TMCO5A: variants seen among roughly 807,000 people sequenced by gnomAD.
TMCO5A encodes the protein transmembrane and coiled-coil domain-containing protein 5A.
TMCO5A carries 34 observed loss-of-function variants against 42.3 expected under a neutral mutation model. The observed-to-expected ratio is 0.80, with a 90% confidence interval of 0.61 to 1.07. The LOEUF (loss-of-function observed/expected upper bound fraction) is 1.07. TMCO5A is among the 50% of genes least tolerant of loss of function. TMCO5A has a pLI of 0.00. For missense variants in TMCO5A, 357 were observed against 327.9 expected (o/e 1.09, Z -0.69); for synonymous variants, 131 against 115.6 (o/e 1.13, Z -0.86).
chr15:37,980,044 C>G, the TMCO5A span, among the ~76,000 whole-genome samples: 1 of 152,150 alleles, frequency 6.6e-6, no homozygotes, highest in African/African-American at 2.4e-5. Flanking sequence ...CTGAGGGCAG[C>G]GGGAGCTGGG....
chr15:37,987,550 T>C, the TMCO5A span, among the ~76,000 whole-genome samples: 1 of 152,036 alleles, frequency 6.6e-6, no homozygotes, highest in Non-Finnish European at 1.5e-5. Flanking sequence ...TACGATGTTA[T>C]GTAAAGGTCA....
chr15:37,988,653 C>T, the TMCO5A span, among the ~76,000 whole-genome samples: 1 of 151,944 alleles, frequency 6.6e-6, no homozygotes, highest in Non-Finnish European at 1.5e-5. Flanking sequence ...TTACATTGAT[C>T]AATTTTCACA....
the TMCO5A span, among the ~76,000 whole-genome samples, chr15:38,033,837 C>T: frequency 6.6e-6 from 1 of 152,114 alleles, no homozygotes; most frequent in African/African-American, 2.4e-5. Context: ...TGGTCTCAAA[C>T]TCCTGACCTC....
chr15:37,950,441 T>G (rs1184416353), intron 11 of TMCO5A, among the ~76,000 whole-genome samples: 2 of 152,066 alleles, frequency 1.3e-5, no homozygotes, highest in African/African-American at 2.4e-5. Flanking sequence ...TACATAACAA[T>G]ACACATAATG....
downstream of TMCO5A, among the ~76,000 whole-genome samples, chr15:37,951,889 C>A (rs1053975033): frequency 2.6e-5 from 4 of 152,118 alleles, no homozygotes; most frequent in Non-Finnish European, 5.9e-5. Flanking sequence ...CACCAACACC[C>A]CCCCTTTCCC....
chr15:37,936,024 G>T, intron 2 of TMCO5A: 1 of 229,684 alleles, frequency 4.4e-6, no homozygotes, highest in Non-Finnish European at 8.4e-6. Context: ...CCCAGCGCAA[G>T]GGGTTATTTA....
chr15:37,963,377 T>C (rs1008775329), intron 11 of TMCO5A, among the ~76,000 whole-genome samples: 1 of 152,088 alleles, frequency 6.6e-6, no homozygotes, highest in Admixed American at 6.6e-5. Flanking sequence ...TTCCTTTTGG[T>C]GTTGATTTCC....
At chr15:37,987,054 A>C in the TMCO5A span, among the ~76,000 whole-genome samples, 1 of 152,120 alleles carries the variant, frequency 6.6e-6, no homozygotes, top group East Asian at 1.9e-4. Context: ...ATATCTCCAC[A>C]CCTTCATCAA....
chr15:37,942,538 T>A (rs1180152466), intron 9 of TMCO5A: 1 of 282,564 alleles, frequency 3.5e-6, no homozygotes, highest in East Asian at 6.1e-5. Flanking sequence ...AGTAAAAACA[T>A]GTACTTTAGA....
intron 11 of TMCO5A, among the ~76,000 whole-genome samples, chr15:37,960,002 AC>A (rs778069224): frequency 2.6e-5 from 4 of 152,032 alleles, no homozygotes; most frequent in Non-Finnish European, 5.9e-5. Flanking sequence ...AAATCAACAT[AC>A]AAAAATCAGT....
rs756447200 is a variant in TMCO5A, at chr15:37,935,023, C to T, written c.-102-234C>T. On this transcript the variant is annotated intron_variant, in intron 1 of 11. Coordinates refer to ENST00000319669, the MANE Select transcript of TMCO5A (RefSeq NM_152453.4). ...TCTCTGACTATATCTATTAATAGGA[C>T]GTATATTCCAGCATTATCTCTGTAT... is the stretch of plus-strand genomic sequence containing the variant. Among the ~76,000 whole-genome samples, 20 of 152,176 alleles carry T rather than the reference C, an allele frequency of 1.3e-4. 1 individual carries two copies. Among genetic ancestry groups the T allele is most frequent in the South Asian group, 2.1e-4 (1 of 4,814 alleles).
the TMCO5A span, among the ~76,000 whole-genome samples, chr15:38,002,388 T>C: frequency 5.2e-3 from 791 of 152,136 alleles, 8 homozygotes; most frequent in African/African-American, 0.017. Context: ...GTTTGGGAAG[T>C]TCTGTTATTT....
chr15:37,941,275 T>A, intron 7 of TMCO5A, 70 bp downstream of exon 7: 1 of 1,457,474 alleles, frequency 6.9e-7, no homozygotes, highest in Non-Finnish European at 9.5e-7. Flanking sequence ...GGCAATCTAT[T>A]TCTCAAGTGA....
the TMCO5A span, among the ~76,000 whole-genome samples, chr15:37,974,897 A>G: frequency 6.6e-6 from 1 of 152,210 alleles, no homozygotes; most frequent in East Asian, 1.9e-4. Context: ...ATTTTTCTCT[A>G]AACACTGCTA....
chr15:37,973,264 T>G, the TMCO5A span, among the ~76,000 whole-genome samples: 9 of 152,126 alleles, frequency 5.9e-5, no homozygotes, highest in Non-Finnish European at 5.9e-5. Context: ...TAGTATTGCC[T>G]TGGCTATTGG....
At chr15:37,993,599 G>A in the TMCO5A span, 2 of 152,106 alleles carry the variant, frequency 1.3e-5, no homozygotes, top group African/African-American at 2.4e-5. Context: ...AGGAGATTGG[G>A]GGTAGAATAT....
chr15:38,028,604 G>C, the TMCO5A span, among the ~76,000 whole-genome samples: 40 of 152,136 alleles, frequency 2.6e-4, no homozygotes, highest in Non-Finnish European at 5.3e-4. Flanking sequence ...AATATTGAAA[G>C]AGTGTAGCAC....
At chr15:37,962,608 G>T (rs921721294) in intron 11 of TMCO5A, among the ~76,000 whole-genome samples, 14 of 152,010 alleles carry the variant, frequency 9.2e-5, no homozygotes, top group African/African-American at 2.4e-4. Flanking sequence ...GTGTCAAAAT[G>T]GTTGGTACCA....
At chr15:37,996,015 G>C in the TMCO5A span, among the ~76,000 whole-genome samples, 2 of 152,106 alleles carry the variant, frequency 1.3e-5, no homozygotes, top group East Asian at 3.9e-4. Context: ...CTTACCTAGG[G>C]GGACGTTAAT....
Sources: gnomAD v4.1 joint callset for allele counts (sites outside exome capture counted in the v4.1 genomes callset) on GRCh38, gnomAD v4.1.1 for gene constraint, MANE v1.5 for transcripts, NCBI Gene and HGNC (gene_info 2026-07-23, HGNC 2026-07-21) for gene names.